The following EBF3 variants were observed in gnomAD, a reference collection of about 807,000 sequenced individuals.
EBF3 encodes transcription factor COE3.
A neutral mutation model predicts 77.1 loss-of-function variants in EBF3; 18 were observed. The observed-to-expected ratio is 0.23, with a 90% CI of 0.16 to 0.35. The LOEUF is 0.35. EBF3 is among the 10% of genes least tolerant of loss of function. EBF3 has a pLI of 1.00. For synonymous variants in EBF3, 350 were observed against 343.5 expected, an observed-to-expected ratio of 1.02 and a Z score of -0.21; for missense variants, 558 against 860.0, an observed-to-expected ratio of 0.65 and a Z score of 4.39.
chr10:129,930,395 C>A (rs1460334328), intron 6 of EBF3, among the ~76,000 whole-genome samples: 1 of 138,930 alleles, frequency 7.2e-6, no homozygotes, highest in Non-Finnish European at 1.6e-5. Flanking sequence ...TATATCTATA[C>A]CTGTCTATAT....
intron 10 of EBF3, among the ~76,000 whole-genome samples, chr10:129,855,194 G>A (rs564731585): frequency 4.6e-5 from 7 of 152,112 alleles, no homozygotes; most frequent in African/African-American, 4.8e-5. Context: ...AATTAGAGCC[G>A]CCTCCTTCGT....
chr10:129,889,946 CTTTTTTTTTT>C (rs10665456), intron 6 of EBF3, among the ~76,000 whole-genome samples: 40 of 82,894 alleles, frequency 4.8e-4, no homozygotes, highest in South Asian at 3.1e-3. Context: ...ATTGAAGTGC[CTTTTTTTTTT>C]TTTTTTTTTT....
chr10:129,930,957 C>T (rs887584335), intron 6 of EBF3, among the ~76,000 whole-genome samples: 9 of 142,802 alleles, frequency 6.3e-5, no homozygotes, highest in Admixed American at 4.3e-4. Context: ...TTTATATTAA[C>T]AAATCCCCCT....
Position 129,958,986 on chromosome 10 carries a change from C to A in EBF3, c.433G>T (p.Asp145Tyr). The change falls in exon 5 of 17, where the codon GAC becomes TAC. Residue 145 changes from aspartate (D) to tyrosine (Y), a missense_variant. This residue lies in a region of EBF3 where 84 missense variants were observed against 142.3 expected (regional missense o/e 0.59). Coordinates refer to ENST00000440978, the MANE Select transcript of EBF3 (RefSeq NM_001375380.1). ...TKQAIVYEGQ[D>Y]KNPEMCRVLL... Reference sequence around the variant, plus strand: ...ACACGGCACATCTCCGGGTTCTTGTCCTGGCCCTCGTAGACGATGGCCTGC... The same window carrying A: ...ACACGGCACATCTCCGGGTTCTTGTACTGGCCCTCGTAGACGATGGCCTGC... 6.2e-7 allele frequency: 1 copy of A among 1,600,382 alleles called. No homozygotes were observed. Among genetic ancestry groups the A allele is most frequent in the Non-Finnish European group, 8.5e-7 (1 of 1,174,724 alleles).
Position 129,943,531 on chromosome 10 carries a change from T to C in EBF3, c.554+13727A>G, listed in dbSNP as rs557771096. 2.0e-4 allele frequency among the ~76,000 whole-genome samples: 30 copies of C among 152,320 alleles called. No homozygotes were observed. Among genetic ancestry groups the C allele is most frequent in the African/African-American group, 7.2e-4 (30 of 41,572 alleles). Reference sequence around the variant, plus strand: ...TTGGATAATTTCTTTCAGCTGGACCTGGCCTCCAGCGCACTTGGATGCTAG... The same window carrying C: ...TTGGATAATTTCTTTCAGCTGGACCCGGCCTCCAGCGCACTTGGATGCTAG... On this transcript the variant is annotated intron_variant, in intron 6 of 16. Coordinates refer to ENST00000440978, the MANE Select transcript of EBF3 (RefSeq NM_001375380.1). This position sits in a 1 kb window ranked among gnomAD's most constrained non-coding sequence, Gnocchi z 8.8.
intron 6 of EBF3, among the ~76,000 whole-genome samples, chr10:129,899,914 G>A (rs912850745): frequency 6.6e-6 from 1 of 152,206 alleles, no homozygotes; most frequent in Non-Finnish European, 1.5e-5. Context: ...ATCTTATGAG[G>A]CTGTAAAAAT....
chr10:129,852,957 G>T (rs1435948265), intron 10 of EBF3, among the ~76,000 whole-genome samples: 2 of 152,340 alleles, frequency 1.3e-5, no homozygotes, highest in East Asian at 1.9e-4. Context: ...GCAGTCCAGG[G>T]CGTTGAGGTC....
At chr10:129,936,960 C>T (rs1247814603) in intron 6 of EBF3, among the ~76,000 whole-genome samples, 11 of 152,194 alleles carry the variant, frequency 7.2e-5, no homozygotes, top group Admixed American at 7.2e-4. Context: ...GACCTGGGCT[C>T]CACGGATCGG....
At chr10:129,930,034 T>A (rs1389228957) in intron 6 of EBF3, among the ~76,000 whole-genome samples, 1 of 152,126 alleles carries the variant, frequency 6.6e-6, no homozygotes, top group Admixed American at 6.5e-5. Flanking sequence ...GGTGAGTGTC[T>A]CCCTCTGTCT....
Position 129,897,113 on chromosome 10 carries a change from G to GAGACAGGA in EBF3, c.555-19272_555-19265dup, listed in dbSNP as rs1854449236. ...GGCCTAGACGGGCAGTTGGAGCTGGGAGACAGGAAGACAAAGCCGGTCTCC... is the reference window on the plus strand; with the variant it reads ...GGCCTAGACGGGCAGTTGGAGCTGGGAGACAGGAAGACAGGAAGACAAAGCCGGTCTCC... On this transcript the variant is annotated intron_variant, in intron 6 of 16. Transcript: ENST00000440978. The surrounding 1 kb of genome is among the most constrained non-coding windows in gnomAD (Gnocchi z 4.6). Among the ~76,000 whole-genome samples, 1 of 152,236 alleles carries GAGACAGGA rather than the reference G, an allele frequency of 6.6e-6. No homozygotes were observed. Among genetic ancestry groups the GAGACAGGA allele is most frequent in the Non-Finnish European group, 1.5e-5 (1 of 68,046 alleles).
At position 129,963,847 on chromosome 10, in the gene EBF3, G is replaced by C; in HGVS notation, c.-79C>G. The C allele has an allele frequency of 1.4e-6, 2 of 1,422,486 alleles. No individual in the cohort carries two copies. The highest frequency in any genetic ancestry group is 7.2e-5 in the East Asian group (2 of 27,926). The allele number at this position is 1,422,486 out of a possible 1,614,324, so 88.1% of individuals were successfully genotyped here. ...CGGCGCTCGGGGCTTGGCGGCAGGC[G>C]GCTGCCCTGGCCGCCCTCGCCCTGC... On this transcript the variant is annotated 5_prime_UTR_variant, in exon 1 of 17. Coordinates refer to ENST00000440978, the MANE Select transcript of EBF3 (RefSeq NM_001375380.1). This position sits in a 1 kb window ranked among gnomAD's most constrained non-coding sequence, Gnocchi z 7.1.
intron 11 of EBF3, among the ~76,000 whole-genome samples, chr10:129,846,989 T>TG (rs551649153): frequency 3.8e-4 from 58 of 152,148 alleles, no homozygotes; most frequent in African/African-American, 1.4e-3. Context: ...CCAGCCGCCC[T>TG]GGGGGCTCAG....
intron 6 of EBF3, among the ~76,000 whole-genome samples, chr10:129,907,233 A>C (rs1183444204): frequency 6.6e-6 from 1 of 152,188 alleles, no homozygotes; most frequent in Non-Finnish European, 1.5e-5. Flanking sequence ...TTAACCACCA[A>C]TCGGGAGACC....
intron 6 of EBF3, among the ~76,000 whole-genome samples, chr10:129,923,541 G>T (rs929969286): frequency 6.6e-6 from 1 of 152,190 alleles, no homozygotes; most frequent in African/African-American, 2.4e-5. Flanking sequence ...AACAGGGAGT[G>T]GGTGGTCTTT....
chr10:129,864,596 A>G lies in EBF3; in HGVS notation c.1039+2545T>C, dbSNP rs1321060189. Among the ~76,000 whole-genome samples, 1 of 152,216 alleles carries G rather than the reference A, an allele frequency of 6.6e-6. No homozygotes were observed. Among genetic ancestry groups the G allele is most frequent in the Non-Finnish European group, 1.5e-5 (1 of 68,032 alleles). ...ATCCACTGAAGGCATCCACTAAAGC[A>G]TTCATCCGGGATGGGCTGACAGTCC... On this transcript the variant is annotated intron_variant, in intron 10 of 16. Transcript: ENST00000440978. This position sits in a 1 kb window ranked among gnomAD's most constrained non-coding sequence, Gnocchi z 4.4.
intron 6 of EBF3, among the ~76,000 whole-genome samples, chr10:129,948,130 T>C (rs912068528): frequency 2.6e-5 from 4 of 151,888 alleles, no homozygotes; most frequent in African/African-American, 7.3e-5. Context: ...TGGTGGCGCA[T>C]GCCTGTAATC....
chr10:129,956,497 G>C (rs1859047280), intron 6 of EBF3, among the ~76,000 whole-genome samples: 1 of 152,158 alleles, frequency 6.6e-6, no homozygotes, highest in Admixed American at 6.5e-5. Context: ...GGCTGGGCGA[G>C]GAGGGTGGTG....
At position 129,848,281 on chromosome 10, in the gene EBF3, A is replaced by G; in HGVS notation, c.1128+111T>C. On this transcript the variant is annotated intron_variant, in intron 11 of 16. Transcript: ENST00000440978. The surrounding 1 kb of genome is among the most constrained non-coding windows in gnomAD (Gnocchi z 4.4). ...CCTGTCGGCCCTGTGGTGGGCACAG[A>G]GTTTGGGGAATCTGCAATCCCCCCT... 1 of 1,140,028 alleles carries G rather than the reference A, an allele frequency of 8.8e-7. No individual in the cohort carries two copies. The highest frequency in any genetic ancestry group is 1.5e-5 in the African/African-American group (1 of 65,670). 70.6% of individuals were successfully genotyped at this position (1,140,028 alleles called of 1,614,324 possible).
chr10:129,931,147 C>G (rs564844405), intron 6 of EBF3, among the ~76,000 whole-genome samples: 17 of 152,314 alleles, frequency 1.1e-4, no homozygotes, highest in African/African-American at 4.1e-4. Context: ...ATATCTATCT[C>G]TATATCTCCT....
Sources: gnomAD v4.1 joint callset for allele counts (sites outside exome capture counted in the v4.1 genomes callset) on GRCh38, gnomAD v4.1.1 for gene constraint, gnomAD v4.1.1 regional missense constraint, Gnocchi (gnomAD v3.1) non-coding constraint, MANE v1.5 for transcripts, NCBI Gene and HGNC (gene_info 2026-07-23, HGNC 2026-07-21) for gene names.